STPG2: variants seen among roughly 807,000 people sequenced by gnomAD.
STPG2 encodes the protein sperm tail PG-rich repeat containing 2, also known as sperm-tail PG-rich repeat-containing protein 2.
A neutral mutation model predicts 54.2 loss-of-function variants in STPG2; 56 were observed. The observed-to-expected ratio is 1.03, with a 90% CI of 0.83 to 1.29. The LOEUF is 1.29. STPG2 is among the 50% of genes most tolerant of loss of function. The pLI, the probability that STPG2 is intolerant of heterozygous loss-of-function variation, is 0.00. For missense variants in STPG2, 596 were observed against 544.9 expected (o/e 1.09, Z -0.93); for synonymous variants, 200 against 181.8 (o/e 1.10, Z -0.81).
chr4:97,969,911 C>A (rs1472840637), intron 7 of STPG2, among the ~76,000 whole-genome samples: 4 of 152,156 alleles, frequency 2.6e-5, no homozygotes, highest in Non-Finnish European at 5.9e-5. Flanking sequence ...ATTTAGAAAA[C>A]TCCATCGTCT....
Position 98,143,208 on chromosome 4 carries a change from A to G in STPG2, c.-58T>C. The G allele has an allele frequency of 7.3e-7, 1 of 1,378,874 alleles. No homozygotes were observed. The highest frequency in any genetic ancestry group is 1.2e-5 in the South Asian group (1 of 81,954). The allele number at this position is 1,378,874 out of a possible 1,614,324, so 85.4% of individuals were successfully genotyped here. A position where few individuals can be genotyped will look rare whatever the true frequency, so the allele number is the denominator to read the frequency against. ...GCAGGTGCCGAAAACGATAAAAACA[A>G]GGTAGCTAGAAGTGTGGAGAAAAAG... is the stretch of plus-strand genomic sequence containing the variant. On this transcript the variant is annotated 5_prime_UTR_variant, in exon 1 of 11. Coordinates refer to ENST00000295268, the MANE Select transcript of STPG2 (RefSeq NM_174952.3).
intron 9 of STPG2, among the ~76,000 whole-genome samples, chr4:97,792,716 T>A (rs760937143): frequency 2.0e-5 from 3 of 152,130 alleles, no homozygotes; most frequent in African/African-American, 4.8e-5. Flanking sequence ...AATCTCCAAA[T>A]CTCCTTTCTG....
At chr4:97,544,853 C>T (rs1731800178) in intron 4 of STPG2, among the ~76,000 whole-genome samples, 1 of 152,032 alleles carries the variant, frequency 6.6e-6, no homozygotes, top group African/African-American at 2.4e-5. Flanking sequence ...GCAGACACAT[C>T]ATAGATATTT....
chr4:97,952,642 C>A (rs989297840), intron 7 of STPG2, among the ~76,000 whole-genome samples: 6 of 152,154 alleles, frequency 3.9e-5, no homozygotes, highest in Non-Finnish European at 8.8e-5. Context: ...AGTCTCCCAG[C>A]ATCAGGTACC....
chr4:97,932,272 T>A (rs1182366901), intron 8 of STPG2, among the ~76,000 whole-genome samples: 1 of 152,222 alleles, frequency 6.6e-6, no homozygotes, highest in African/African-American at 2.4e-5. Context: ...ATTTTTCATC[T>A]TCTACTAGTT....
intron 10 of STPG2, among the ~76,000 whole-genome samples, chr4:97,611,536 T>C (rs947699733): frequency 2.6e-5 from 4 of 152,052 alleles, no homozygotes; most frequent in East Asian, 3.9e-4. Flanking sequence ...AGGCCAACCA[T>C]GTGTTTAGCT....
At chr4:97,973,487 G>C (rs1197076415) in intron 6 of STPG2, among the ~76,000 whole-genome samples, 1 of 152,200 alleles carries the variant, frequency 6.6e-6, no homozygotes, top group African/African-American at 2.4e-5. Context: ...CCCATTTTCT[G>C]AGGAGAAATT....
chr4:97,534,933 A>G (rs777487688), intron 4 of STPG2, among the ~76,000 whole-genome samples: 1 of 152,162 alleles, frequency 6.6e-6, no homozygotes, highest in Non-Finnish European at 1.5e-5. Context: ...TCCATCCATG[A>G]TGTTGCATGT....
rs781612192 is a variant in STPG2 at position 97,981,274 on chromosome 4, A to G, written c.657T>C (p.Tyr219=). 8 of 1,613,950 alleles carry G rather than the reference A, an allele frequency of 5.0e-6. No individual in the cohort carries two copies. In the South Asian group the frequency reaches 7.7e-5, roughly 16 times the overall value. Residue 219 remains tyrosine (Y), a synonymous_variant, in exon 6 of 11, where the codon TAT becomes TAC. Coordinates refer to ENST00000295268, the MANE Select transcript of STPG2 (RefSeq NM_174952.3). The part of the protein sequence containing the change: ...MKSITPAPGT[Y]NEPRTALKSL... ...ACTTGAGAGCAGTTCGAGGTTCATT[A>G]TATGTGCCAGGAGCCGGGGTGATTG...
At chr4:97,597,816 A>T (rs1163024354) in intron 10 of STPG2, among the ~76,000 whole-genome samples, 5 of 152,124 alleles carry the variant, frequency 3.3e-5, no homozygotes, top group African/African-American at 1.2e-4. Flanking sequence ...TCCCTTGAGA[A>T]TCAGAAGAAG....
At chr4:97,873,295 C>G (rs1730057068) in intron 8 of STPG2, among the ~76,000 whole-genome samples, 1 of 150,188 alleles carries the variant, frequency 6.7e-6, no homozygotes, top group Non-Finnish European at 1.5e-5. Context: ...CCATTATTTT[C>G]AAAATATTTA....
chr4:98,051,812 A>G (rs1183425645), intron 5 of STPG2, among the ~76,000 whole-genome samples: 1 of 152,000 alleles, frequency 6.6e-6, no homozygotes, highest in East Asian at 1.9e-4. Context: ...ATATACATAA[A>G]TAGGAAACAC....
chr4:97,505,257 A>C (rs530390978), intron 4 of STPG2, among the ~76,000 whole-genome samples: 80 of 152,040 alleles, frequency 5.3e-4, no homozygotes, highest in Non-Finnish European at 5.9e-5. Context: ...AAATCACCCC[A>C]AATGGCATTC....
intron 4 of STPG2, among the ~76,000 whole-genome samples, chr4:97,511,617 T>G (rs72887276): frequency 0.13 from 20,157 of 152,042 alleles, 3,733 homozygotes; most frequent in African/African-American, 0.42. Context: ...TAACCAACTT[T>G]ATTTAATTGG....
At chr4:98,103,955 C>A (rs1739119005) in intron 5 of STPG2, among the ~76,000 whole-genome samples, 1 of 152,110 alleles carries the variant, frequency 6.6e-6, no homozygotes, top group African/African-American at 2.4e-5. Flanking sequence ...TTTCAAATTT[C>A]TACTGTCCAT....
intron 9 of STPG2, among the ~76,000 whole-genome samples, chr4:97,793,135 C>T (rs1727054928): frequency 6.6e-6 from 1 of 151,996 alleles, no homozygotes; most frequent in Non-Finnish European, 1.5e-5. Context: ...GCCTGGGCGA[C>T]ACCATCTCAA....
At chr4:97,477,527 A>G (rs1253709602) in intron 4 of STPG2, among the ~76,000 whole-genome samples, 31 of 140,580 alleles carry the variant, frequency 2.2e-4, no homozygotes, top group African/African-American at 7.9e-4. Context: ...CTCAGGCAGG[A>G]GTGCAGTGGC....
intron 4 of STPG2, among the ~76,000 whole-genome samples, chr4:97,477,744 C>G (rs1730113156): frequency 1.3e-5 from 2 of 151,956 alleles, no homozygotes; most frequent in Admixed American, 6.6e-5. Context: ...CCTGCCTTGG[C>G]CTCCCAAAGT....
chr4:97,495,155 T>A (rs1730580011), intron 4 of STPG2, among the ~76,000 whole-genome samples: 1 of 151,450 alleles, frequency 6.6e-6, no homozygotes, highest in African/African-American at 2.4e-5. Context: ...TGACAGAACA[T>A]ATAGTTCTTC....
Sources: allele counts gnomAD v4.1 joint callset (sites outside exome capture counted in the v4.1 genomes callset), GRCh38; gene constraint gnomAD v4.1.1; transcripts MANE v1.5; gene names NCBI Gene and HGNC (gene_info 2026-07-23, HGNC 2026-07-21).